Variants in SLMAP observed in about 807,000 individuals in gnomAD.
SLMAP encodes sarcolemma associated protein, also known as sarcolemmal membrane-associated protein.
Under a neutral mutation model 128.8 loss-of-function variants are expected in SLMAP, and 44 were observed. That is an observed-to-expected ratio of 0.34 (90% CI 0.27 to 0.44). SLMAP has a LOEUF of 0.44. Ranked by LOEUF, SLMAP falls within the 20% of genes least tolerant of loss-of-function variation. The probability of loss-of-function intolerance (pLI) is 1.00; values close to 1 mark genes in which losing one functional copy is unlikely to be tolerated. For missense variants in SLMAP, 787 were observed against 985.3 expected (o/e 0.80, Z 2.69); for synonymous variants, 327 against 348.8 (o/e 0.94, Z 0.70).
chr3:57,772,994 T>C (rs1373972199), intron 2 of SLMAP, among the ~76,000 whole-genome samples: 1 of 152,210 alleles, frequency 6.6e-6, no homozygotes, highest in Non-Finnish European at 1.5e-5. Context: ...TAAGCTTGTA[T>C]GTTTGGTTGA....
At chr3:57,808,128 T>C (rs1349262156) in intron 2 of SLMAP, among the ~76,000 whole-genome samples, 2 of 152,088 alleles carry the variant, frequency 1.3e-5, no homozygotes, top group African/African-American at 4.8e-5. Context: ...TATCATTTCT[T>C]ATTGTGTCTA....
At chr3:57,775,130 C>T (rs1187048045) in intron 2 of SLMAP, among the ~76,000 whole-genome samples, 3 of 151,470 alleles carry the variant, frequency 2.0e-5, no homozygotes, top group African/African-American at 7.3e-5. Flanking sequence ...TCTCGGCTCA[C>T]TGCAAGCTCC....
chr3:57,808,813 G>T (rs2090397526), intron 2 of SLMAP, among the ~76,000 whole-genome samples: 1 of 152,142 alleles, frequency 6.6e-6, no homozygotes, highest in Non-Finnish European at 1.5e-5. Flanking sequence ...GAATATCCTT[G>T]TTAATTTTCT....
At chr3:57,921,865 C>T (rs1424768596) in intron 22 of SLMAP, among the ~76,000 whole-genome samples, 1 of 152,052 alleles carries the variant, frequency 6.6e-6, no homozygotes, top group Admixed American at 6.5e-5. Flanking sequence ...ACAACCATGC[C>T]TGGCTAATTT....
At chr3:57,899,222 A>T (rs150297661) in intron 17 of SLMAP, 1 of 152,358 alleles carries the variant, frequency 6.6e-6, no homozygotes, top group East Asian at 1.9e-4. Flanking sequence ...GAGTAGCACC[A>T]AACAGTATCT....
intron 16 of SLMAP, 41 bp from the exon 17 acceptor site, chr3:57,896,832 T>C: frequency 6.4e-7 from 1 of 1,562,550 alleles, no homozygotes; most frequent in Non-Finnish European, 8.6e-7. Context: ...TAGATCTGAA[T>C]ACTGTCTGTA....
intron 14 of SLMAP, among the ~76,000 whole-genome samples, chr3:57,873,401 T>G (rs1963964): frequency 0.45 from 67,958 of 151,580 alleles, 15,528 homozygotes; most frequent in East Asian, 0.55. Context: ...TACTTGGGAG[T>G]CTGAGGCAGG....
At chr3:57,799,067 A>G (rs754527954) in intron 2 of SLMAP, among the ~76,000 whole-genome samples, 1 of 152,184 alleles carries the variant, frequency 6.6e-6, no homozygotes, top group Non-Finnish European at 1.5e-5. Flanking sequence ...AAGCAGCCCA[A>G]TGCAGGAGTC....
intron 22 of SLMAP, among the ~76,000 whole-genome samples, chr3:57,919,595 G>A (rs1217594717): frequency 6.6e-6 from 1 of 151,710 alleles, no homozygotes; most frequent in East Asian, 1.9e-4. Context: ...GGCAGTTCGA[G>A]ACCAGCCTGA....
intron 2 of SLMAP, among the ~76,000 whole-genome samples, chr3:57,824,562 T>A (rs955666360): frequency 6.6e-6 from 1 of 152,196 alleles, no homozygotes; most frequent in Non-Finnish European, 1.5e-5. Flanking sequence ...AGGCTGTAGA[T>A]GTTTGGATTT....
At chr3:57,907,226 A>G (rs1373279036) in intron 17 of SLMAP, among the ~76,000 whole-genome samples, 1 of 151,980 alleles carries the variant, frequency 6.6e-6, no homozygotes, top group East Asian at 1.9e-4. Context: ...ACGGGGTTTC[A>G]CCGTATTAGC....
In SLMAP at chr3:57,927,406, G is replaced by A. The variant is rs149054976; in HGVS notation, c.*117G>A. 1,384 of 1,476,226 alleles carry A rather than the reference G, an allele frequency of 9.4e-4. 11 individuals are homozygous for A. The highest frequency in any genetic ancestry group is 7.6e-3 in the East Asian group (329 of 43,040). The allele number at this position is 1,476,226 out of a possible 1,614,324, so 91.4% of individuals were successfully genotyped here. A position where few individuals can be genotyped will look rare whatever the true frequency, so the allele number is the denominator to read the frequency against. Reference sequence around the variant, plus strand: ...CTCCATGAGAGCGTTCCTTGAGTCCGTACACCGTCCTCCCTCTAGAAGCTG... The same window carrying A: ...CTCCATGAGAGCGTTCCTTGAGTCCATACACCGTCCTCCCTCTAGAAGCTG... On this transcript the variant is annotated 3_prime_UTR_variant, in exon 25 of 25. Coordinates refer to ENST00000671191, the MANE Select transcript of SLMAP (RefSeq NM_001377540.1).
At chr3:57,878,803 A>G (rs971082027) in intron 14 of SLMAP, among the ~76,000 whole-genome samples, 1 of 152,188 alleles carries the variant, frequency 6.6e-6, no homozygotes, top group Admixed American at 6.5e-5. Flanking sequence ...TTGATGTCCC[A>G]GTCATAGCAT....
intron 21 of SLMAP, among the ~76,000 whole-genome samples, chr3:57,913,916 CCA>C (rs1436565364): frequency 1.3e-5 from 2 of 151,988 alleles, no homozygotes; most frequent in Non-Finnish European, 2.9e-5. Context: ...CACGATCATG[CCA>C]CTGCACTCCA....
chr3:57,779,508 C>CAAAAAAAAAA (rs75146875), intron 2 of SLMAP, among the ~76,000 whole-genome samples: 2 of 79,804 alleles, frequency 2.5e-5, no homozygotes, highest in Non-Finnish European at 4.9e-5. Context: ...GACCCTGTTT[C>CAAAAAAAAAA]AAAAAAAAAA....
At chr3:57,794,096 G>A (rs960796608) in intron 2 of SLMAP, among the ~76,000 whole-genome samples, 4 of 152,052 alleles carry the variant, frequency 2.6e-5, no homozygotes, top group Non-Finnish European at 4.4e-5. Flanking sequence ...GTTTTCTAAA[G>A]TCATCAGGAA....
Position 57,757,647 on chromosome 3 carries a change from C to G in SLMAP, c.-5C>G. 1 of 1,613,872 alleles carries G rather than the reference C, an allele frequency of 6.2e-7. No individual in the cohort carries two copies. Among genetic ancestry groups the G allele is most frequent in the African/African-American group, 1.3e-5 (1 of 75,038 alleles). ...GGTAGGAGAGACACCCCCAGTCTATCCTCGATGCCGTCAGCCTTGGCCATC... is the reference window on the plus strand; with the variant it reads ...GGTAGGAGAGACACCCCCAGTCTATGCTCGATGCCGTCAGCCTTGGCCATC... On this transcript the variant is annotated 5_prime_UTR_variant, in exon 2 of 25. In the 5' UTR this introduces an upstream ATG that the reference lacks. Transcript: ENST00000671191.
chr3:57,785,012 T>A (rs1470379285), intron 2 of SLMAP, among the ~76,000 whole-genome samples: 1 of 152,164 alleles, frequency 6.6e-6, no homozygotes, highest in Non-Finnish European at 1.5e-5. Context: ...TTCAGAACTG[T>A]GAGATAGATA....
At position 57,775,507 on chromosome 3, in the gene SLMAP, T is replaced by TA. The variant is rs1491354912; in HGVS notation, c.198+17659dup. ...GAGCAACAAAGTGAAACCCTGTTGG[T>TA]ACAAAAAAAAAAAAAAAAAAAAAAA... On this transcript the variant is annotated intron_variant, in intron 2 of 24. Transcript: ENST00000671191. Among the ~76,000 whole-genome samples the TA allele has an allele frequency of 1.8e-3, 50 of 27,318 alleles. 2 individuals carry two copies. Among genetic ancestry groups the TA allele is most frequent in the African/African-American group, 4.3e-3 (46 of 10,772 alleles). 17.9% of individuals were successfully genotyped at this position (27,318 alleles called of 152,430 possible).
Sources: allele counts gnomAD v4.1 joint callset (sites outside exome capture counted in the v4.1 genomes callset), GRCh38; gene constraint gnomAD v4.1.1; transcripts MANE v1.5; gene names NCBI Gene and HGNC (gene_info 2026-07-23, HGNC 2026-07-21).